The following SAMD5 variants were observed in gnomAD, a reference collection of about 807,000 sequenced individuals.
The protein encoded by SAMD5 is sterile alpha motif domain containing 5.
Under a neutral mutation model 11.3 loss-of-function variants are expected in SAMD5, and 13 were observed. The observed-to-expected ratio is 1.15, with a 90% CI of 0.75 to 1.83. The LOEUF (loss-of-function observed/expected upper bound fraction) is 1.83. Among genes scored for constraint, SAMD5 ranks in the 40% most tolerant of loss-of-function variants. SAMD5 has a pLI of 0.00. For missense variants in SAMD5, 255 were observed against 239.1 expected, an observed-to-expected ratio of 1.07 and a Z score of -0.44; for synonymous variants, 129 against 111.3, an observed-to-expected ratio of 1.16 and a Z score of -1.00.
At chr6:147,926,450 T>G in the SAMD5 span, among the ~76,000 whole-genome samples, 1 of 136,372 alleles carries the variant, frequency 7.3e-6, no homozygotes, top group Admixed American at 7.5e-5. Context: ...TATTGAGCTT[T>G]TTCTCATATG....
At chr6:147,891,361 G>GA in the SAMD5 span, among the ~76,000 whole-genome samples, 1 of 152,038 alleles carries the variant, frequency 6.6e-6, no homozygotes, top group Non-Finnish European at 1.5e-5. Flanking sequence ...TGAAAAGAAG[G>GA]AAAAAAATGC....
the SAMD5 span, among the ~76,000 whole-genome samples, chr6:147,903,617 C>T: frequency 6.6e-6 from 1 of 152,036 alleles, no homozygotes; most frequent in South Asian, 2.1e-4. Context: ...TTTTATGAAA[C>T]TTCCAACATC....
intron 1 of SAMD5, among the ~76,000 whole-genome samples, chr6:147,607,807 T>A (rs975860638): frequency 6.6e-6 from 1 of 152,212 alleles, no homozygotes; most frequent in Non-Finnish European, 1.5e-5. Flanking sequence ...AAAAAGCTTC[T>A]GCACAGCAAA....
At position 147,564,703 on chromosome 6, in the gene SAMD5, A is replaced by T; in HGVS notation, c.*247A>T. 1 of 1,215,558 alleles carries T rather than the reference A, an allele frequency of 8.2e-7. No individual in the cohort carries two copies. The highest frequency in any genetic ancestry group is 1.0e-6 in the Non-Finnish European group (1 of 971,212). 75.3% of individuals were successfully genotyped at this position (1,215,558 alleles called of 1,614,324 possible). On this transcript the variant is annotated 3_prime_UTR_variant, in exon 2 of 2. Coordinates refer to ENST00000367474, the MANE Select transcript of SAMD5 (RefSeq NM_001030060.3). ...GTATTGAGTTCATTTTTTTAAGAAG[A>T]TATCATGATGAGATACAGTCTTATG...
the SAMD5 span, among the ~76,000 whole-genome samples, chr6:147,850,446 C>T: frequency 6.6e-6 from 1 of 152,202 alleles, no homozygotes; most frequent in East Asian, 1.9e-4. Flanking sequence ...CTAAATGAAC[C>T]CTTTACTTAT....
chr6:147,719,477 T>C (rs6927050), intron 1 of SAMD5, among the ~76,000 whole-genome samples: 25,947 of 152,076 alleles, frequency 0.17, 3,424 homozygotes, highest in African/African-American at 0.36. Flanking sequence ...CTTTGATGAG[T>C]AGTTCCTGGT....
chr6:147,868,005 A>T, the SAMD5 span, among the ~76,000 whole-genome samples: 6 of 152,318 alleles, frequency 3.9e-5, no homozygotes, highest in South Asian at 1.2e-3. Context: ...ACTTATCCTT[A>T]TTGCATAATT....
intron 1 of SAMD5, among the ~76,000 whole-genome samples, chr6:147,685,768 G>A (rs750272298): frequency 2.3e-4 from 35 of 152,012 alleles, no homozygotes; most frequent in Non-Finnish European, 4.0e-4. Flanking sequence ...AGAACATCAT[G>A]TGGGTTTATC....
the SAMD5 span, among the ~76,000 whole-genome samples, chr6:147,953,108 C>G: frequency 1.3e-5 from 2 of 151,882 alleles, no homozygotes; most frequent in African/African-American, 4.8e-5. Flanking sequence ...TAATACTAAG[C>G]GTCAAGATCT....
chr6:147,706,209 A>G (rs907609763), intron 1 of SAMD5, among the ~76,000 whole-genome samples: 1 of 151,964 alleles, frequency 6.6e-6, no homozygotes, highest in African/African-American at 2.4e-5. Context: ...ACCTTGTGAC[A>G]AATCTGGGTT....
chr6:147,731,115 A>C (rs961004683), intron 1 of SAMD5, among the ~76,000 whole-genome samples: 2 of 152,174 alleles, frequency 1.3e-5, no homozygotes, highest in Non-Finnish European at 2.9e-5. Context: ...TAGATGAAGA[A>C]ACTGAGACAC....
chr6:147,589,649 C>T (rs1255996827), intron 1 of SAMD5, among the ~76,000 whole-genome samples: 1 of 152,140 alleles, frequency 6.6e-6, no homozygotes, highest in African/African-American at 2.4e-5. Flanking sequence ...CTTTCATATC[C>T]AACTGCATGG....
chr6:147,562,817 G>A (rs895740858), intron 1 of SAMD5, among the ~76,000 whole-genome samples: 11 of 148,788 alleles, frequency 7.4e-5, no homozygotes, highest in South Asian at 2.1e-4. Context: ...GCGAGACTCC[G>A]TCTCAAAAAA....
chr6:147,731,526 A>G (rs1426916521), intron 1 of SAMD5, among the ~76,000 whole-genome samples: 1 of 151,636 alleles, frequency 6.6e-6, no homozygotes, highest in Admixed American at 6.6e-5. Flanking sequence ...TATTTCCTTT[A>G]TTGTATATTC....
intron 1 of SAMD5, among the ~76,000 whole-genome samples, chr6:147,680,297 A>G (rs1334523134): frequency 6.6e-6 from 1 of 152,038 alleles, no homozygotes; most frequent in East Asian, 1.9e-4. Context: ...TTGATGTTAT[A>G]ATATTATTAT....
At chr6:147,905,788 A>G in the SAMD5 span, among the ~76,000 whole-genome samples, 2 of 152,240 alleles carry the variant, frequency 1.3e-5, no homozygotes, top group Non-Finnish European at 2.9e-5. Context: ...TGGGCCCCCA[A>G]GATAATTTTC....
intron 1 of SAMD5, among the ~76,000 whole-genome samples, chr6:147,645,099 T>G (rs1790377652): frequency 6.6e-6 from 1 of 152,164 alleles, no homozygotes; most frequent in South Asian, 2.1e-4. Flanking sequence ...ATCCCCGGAC[T>G]TTAACAAGGA....
the SAMD5 span, among the ~76,000 whole-genome samples, chr6:147,940,475 T>C: frequency 2.6e-5 from 4 of 152,180 alleles, no homozygotes; most frequent in Non-Finnish European, 5.9e-5. Flanking sequence ...AATGAAAAGG[T>C]GGGCTGCATT....
At chr6:147,862,540 A>G in the SAMD5 span, among the ~76,000 whole-genome samples, 2 of 152,166 alleles carry the variant, frequency 1.3e-5, no homozygotes, top group South Asian at 4.1e-4. Context: ...CAGCCTCCGG[A>G]TATTTCACTT....
Sources: gnomAD v4.1 joint callset for allele counts (sites outside exome capture counted in the v4.1 genomes callset) on GRCh38, gnomAD v4.1.1 for gene constraint, MANE v1.5 for transcripts, NCBI Gene and HGNC (gene_info 2026-07-23, HGNC 2026-07-21) for gene names.